MMD: variants seen among roughly 807,000 people sequenced by gnomAD.
MMD encodes monocyte to macrophage differentiation factor.
A neutral mutation model predicts 33.6 loss-of-function variants in MMD; 22 were observed. That is an observed-to-expected ratio of 0.66 (90% CI 0.47 to 0.94). The LOEUF (loss-of-function observed/expected upper bound fraction) is 0.94, where lower values mean the gene tolerates loss of function less well. MMD is among the 40% of genes least tolerant of loss of function. The pLI, the probability that MMD is intolerant of heterozygous loss-of-function variation, is 0.00. For synonymous variants in MMD, 97 were observed against 103.2 expected, an observed-to-expected ratio of 0.94 and a Z score of 0.36; for missense variants, 242 against 309.8, an observed-to-expected ratio of 0.78 and a Z score of 1.64.
intron 3 of MMD, 37 bp downstream of exon 3, chr17:55,411,220 A>T: frequency 6.3e-7 from 1 of 1,590,074 alleles, no homozygotes; most frequent in Non-Finnish European, 8.6e-7. Flanking sequence ...TGAGTCAACT[A>T]TTTGGATCTG....
Position 55,393,077 on chromosome 17 carries a change from A to G in MMD, c.*1257T>C, listed in dbSNP as rs1906975857. 6.6e-6 allele frequency: 1 copy of G among 152,154 alleles called. No homozygotes were observed. The highest frequency in any genetic ancestry group is 2.1e-4 in the South Asian group (1 of 4,818). 9.4% of individuals were successfully genotyped at this position (152,154 alleles called of 1,614,324 possible). ...CTATTTCATTTATTAAAACACCAAC[A>G]AGAGAGATTAATCAACAAAGCAACT... On this transcript the variant is annotated 3_prime_UTR_variant, in exon 7 of 7. Coordinates refer to ENST00000262065, the MANE Select transcript of MMD (RefSeq NM_012329.3).
chr17:55,415,283 A>C (rs994053012), intron 1 of MMD, among the ~76,000 whole-genome samples: 7 of 152,192 alleles, frequency 4.6e-5, no homozygotes, highest in Non-Finnish European at 1.0e-4. Context: ...ACGTAAAAAA[A>C]AAAAAAAATT....
intron 4 of MMD, among the ~76,000 whole-genome samples, chr17:55,406,288 A>C (rs923804019): frequency 1.3e-5 from 2 of 151,632 alleles, no homozygotes; most frequent in African/African-American, 2.4e-5. Context: ...CCAGCTACTC[A>C]AAGGCTGAGA....
At chr17:55,404,654 G>T in intron 4 of MMD, 1 of 985,228 alleles carries the variant, frequency 1.0e-6, no homozygotes, top group Non-Finnish European at 1.2e-6. Flanking sequence ...AGTATGAGAA[G>T]AATTATTCCT....
chr17:55,406,962 C>G (rs1907573204), intron 4 of MMD, among the ~76,000 whole-genome samples: 1 of 151,998 alleles, frequency 6.6e-6, no homozygotes, highest in Non-Finnish European at 1.5e-5. Flanking sequence ...ACCCAGGAGG[C>G]AGAGATTGTA....
At chr17:55,399,107 T>C (rs1907231972) in intron 6 of MMD, among the ~76,000 whole-genome samples, 1 of 152,200 alleles carries the variant, frequency 6.6e-6, no homozygotes, top group Admixed American at 6.5e-5. Context: ...CCACCCAGGC[T>C]GCTGTTCTCT....
intron 2 of MMD, 143 bp from the exon 3 acceptor site, chr17:55,411,560 A>G: frequency 9.3e-7 from 1 of 1,073,086 alleles, no homozygotes; most frequent in Non-Finnish European, 1.3e-6. Flanking sequence ...GATAATCATA[A>G]CGAGAGCCAG....
At chr17:55,421,558 G>C in intron 1 of MMD, 112 bp downstream of exon 1, 2 of 1,453,536 alleles carry the variant, frequency 1.4e-6, no homozygotes, top group Non-Finnish European at 1.9e-6. Context: ...CCAAGGTGCG[G>C]GATCCACCCA....
Position 55,415,175 on chromosome 17 carries a change from G to T in MMD, c.27-943C>A, listed in dbSNP as rs559220684. Among the ~76,000 whole-genome samples, 7 of 152,038 alleles carry T rather than the reference G, an allele frequency of 4.6e-5. No homozygotes were observed. In the East Asian group the frequency reaches 1.4e-3, roughly 29 times the overall value. On this transcript the variant is annotated intron_variant, in intron 1 of 6. Transcript: ENST00000262065. The stretch of plus-strand genomic sequence containing the variant: ...CATACCCACAACAGGTTTCATGAGG[G>T]ACTCTGGATTAGTCTAATTAATCCT...
intron 4 of MMD, chr17:55,404,787 A>G: frequency 2.0e-6 from 2 of 984,232 alleles, no homozygotes; most frequent in Non-Finnish European, 2.4e-6. Context: ...GAAGTTCAGG[A>G]ACAGTGGCTC....
chr17:55,411,107 G>T, intron 3 of MMD, 150 bp downstream of exon 3: 1 of 878,504 alleles, frequency 1.1e-6, no homozygotes, highest in Non-Finnish European at 1.7e-6. Context: ...CAAAGAACAA[G>T]TCCTGAATAA....
chr17:55,406,038 G>T (rs1907529208), intron 4 of MMD, among the ~76,000 whole-genome samples: 1 of 152,204 alleles, frequency 6.6e-6, no homozygotes, highest in Non-Finnish European at 1.5e-5. Context: ...CAAAAGAAAT[G>T]ATAAACACAC....
intron 3 of MMD, among the ~76,000 whole-genome samples, chr17:55,409,064 TA>T (rs751143140): frequency 2.6e-5 from 4 of 151,176 alleles, no homozygotes; most frequent in Admixed American, 6.6e-5. Context: ...AAATTAAAAA[TA>T]AAAAAAAAGT....
At chr17:55,408,285 T>C (rs1907634655) in intron 3 of MMD, among the ~76,000 whole-genome samples, 1 of 152,194 alleles carries the variant, frequency 6.6e-6, no homozygotes, top group African/African-American at 2.4e-5. Flanking sequence ...CTTTGTGTCT[T>C]TTTAGAAGGT....
At chr17:55,417,533 G>A (rs1490667227) in intron 1 of MMD, among the ~76,000 whole-genome samples, 1 of 152,132 alleles carries the variant, frequency 6.6e-6, no homozygotes, top group Non-Finnish European at 1.5e-5. Flanking sequence ...GCTCACACCT[G>A]TAATCCCAGC....
chr17:55,392,795 A>G lies in MMD; in HGVS notation c.*1539T>C, dbSNP rs552606194. The G allele has an allele frequency of 6.6e-6, 1 of 152,514 alleles. No homozygotes were observed. The highest frequency in any genetic ancestry group is 2.1e-4 in the South Asian group (1 of 4,822). 9.4% of individuals were successfully genotyped at this position (152,514 alleles called of 1,614,324 possible). A position where few individuals can be genotyped will look rare whatever the true frequency, so the allele number is the denominator to read the frequency against. ...AGATGTTCAGAATCATGCAGATAGG[A>G]GTGGTTTGGTTGGTGTTATCACTGG... On this transcript the variant is annotated 3_prime_UTR_variant, in exon 7 of 7. Coordinates refer to ENST00000262065, the MANE Select transcript of MMD (RefSeq NM_012329.3).
intron 4 of MMD, among the ~76,000 whole-genome samples, chr17:55,406,938 T>G (rs986339895): frequency 6.6e-6 from 1 of 151,454 alleles, no homozygotes; most frequent in African/African-American, 2.4e-5. Flanking sequence ...GAATGAGGTG[T>G]GAGAATCACT....
rs528124684 is a variant in MMD at position 55,401,739 on chromosome 17, C to A, written c.447-201G>T. ...AGTAACAAGGAACTAGCATTTCTCT[C>A]AGGGTTGAAAAGGCATCAAATCCCA... On this transcript the variant is annotated intron_variant, in intron 5 of 6. Coordinates refer to ENST00000262065, the MANE Select transcript of MMD (RefSeq NM_012329.3). Among the ~76,000 whole-genome samples the A allele has an allele frequency of 3.3e-5, 5 of 152,300 alleles. No homozygotes were observed. The South Asian group carries it at 8.3e-4, about 25-fold the overall frequency.
intron 1 of MMD, among the ~76,000 whole-genome samples, chr17:55,415,739 C>T (rs1907944344): frequency 1.3e-5 from 2 of 151,792 alleles, no homozygotes; most frequent in East Asian, 3.8e-4. Flanking sequence ...GAAGATATTT[C>T]ACTTGGCCCA....
Sources: gnomAD v4.1 joint callset for allele counts (sites outside exome capture counted in the v4.1 genomes callset) on GRCh38, gnomAD v4.1.1 for gene constraint, MANE v1.5 for transcripts, NCBI Gene and HGNC (gene_info 2026-07-23, HGNC 2026-07-21) for gene names.